FRMD5: variants seen among roughly 807,000 people sequenced by gnomAD.
The protein encoded by FRMD5 is FERM domain-containing protein 5.
Under a neutral mutation model 69.0 loss-of-function variants are expected in FRMD5, and 20 were observed. That is an observed-to-expected ratio of 0.29 (90% CI 0.20 to 0.42). FRMD5 has a LOEUF of 0.42. Among genes scored for constraint, FRMD5 ranks in the 10% least tolerant of loss-of-function variants. The pLI is 1.00. For synonymous variants in FRMD5, 271 were observed against 260.1 expected, an observed-to-expected ratio of 1.04 and a Z score of -0.40; for missense variants, 595 against 708.6, an observed-to-expected ratio of 0.84 and a Z score of 1.82.
chr15:44,158,574 GACCCA>G (rs893956310), intron 1 of FRMD5, among the ~76,000 whole-genome samples: 5 of 152,040 alleles, frequency 3.3e-5, no homozygotes, highest in Non-Finnish European at 5.9e-5. Context: ...GTATACTCAT[GACCCA>G]ACCCATTACT....
At chr15:44,136,243 C>T (rs1299919432) in intron 1 of FRMD5, among the ~76,000 whole-genome samples, 2 of 151,972 alleles carry the variant, frequency 1.3e-5, no homozygotes, top group Non-Finnish European at 2.9e-5. Context: ...ACGGTGGTCA[C>T]AAACTCCTGG....
At chr15:44,109,646 T>C (rs2076769741) in intron 1 of FRMD5, among the ~76,000 whole-genome samples, 1 of 152,114 alleles carries the variant, frequency 6.6e-6, no homozygotes, top group Non-Finnish European at 1.5e-5. Flanking sequence ...TGAACCTACA[T>C]TGACATACCA....
At chr15:43,959,053 T>A (rs1408701798) in intron 1 of FRMD5, among the ~76,000 whole-genome samples, 1 of 152,186 alleles carries the variant, frequency 6.6e-6, no homozygotes, top group South Asian at 2.1e-4. Context: ...AAGACTAAAC[T>A]TCCCTCCCCC....
chr15:44,148,881 C>G (rs559379844), intron 1 of FRMD5, among the ~76,000 whole-genome samples: 1 of 152,118 alleles, frequency 6.6e-6, no homozygotes, highest in South Asian at 2.1e-4. Context: ...CCTGTAAATA[C>G]CTGGGCAATT....
At chr15:43,998,768 T>C (rs1484918270) in intron 1 of FRMD5, among the ~76,000 whole-genome samples, 3 of 152,198 alleles carry the variant, frequency 2.0e-5, no homozygotes. Context: ...TGTGAGATGA[T>C]GGCTGATTTC....
chr15:44,188,836 T>C (rs896551188), intron 1 of FRMD5, among the ~76,000 whole-genome samples: 2 of 152,140 alleles, frequency 1.3e-5, no homozygotes, highest in Admixed American at 1.3e-4. Flanking sequence ...AACTGATCTT[T>C]AACACACAGG....
intron 1 of FRMD5, among the ~76,000 whole-genome samples, chr15:44,182,909 C>T (rs577251022): frequency 3.3e-5 from 5 of 152,214 alleles, no homozygotes; most frequent in South Asian, 4.2e-4. Flanking sequence ...CATTCTCCTG[C>T]CTCAGCTTCC....
chr15:44,169,193 TCA>T (rs1158530222), intron 1 of FRMD5, among the ~76,000 whole-genome samples: 2 of 152,180 alleles, frequency 1.3e-5, no homozygotes, highest in African/African-American at 4.8e-5. Flanking sequence ...CCTTTTCTTC[TCA>T]CCTTGCATGT....
intron 1 of FRMD5, among the ~76,000 whole-genome samples, chr15:43,957,437 T>C (rs1320007403): frequency 6.6e-6 from 1 of 152,252 alleles, no homozygotes; most frequent in East Asian, 1.9e-4. Context: ...CCTCAAGTGA[T>C]CCACCTGCTT....
chr15:44,111,758 A>T (rs2076799336), intron 1 of FRMD5, among the ~76,000 whole-genome samples: 1 of 152,190 alleles, frequency 6.6e-6, no homozygotes, highest in Non-Finnish European at 1.5e-5. Context: ...GAGCTAGGGA[A>T]TATTGGTTGG....
intron 1 of FRMD5, among the ~76,000 whole-genome samples, chr15:44,082,922 G>C (rs552541912): frequency 6.6e-6 from 1 of 152,076 alleles, no homozygotes; most frequent in South Asian, 2.1e-4. Context: ...AATTAAGTCA[G>C]TGTTTTCCCA....
chr15:43,909,725 C>A (rs2089250962), intron 5 of FRMD5, among the ~76,000 whole-genome samples, 157 bp downstream of exon 5: 1 of 152,104 alleles, frequency 6.6e-6, no homozygotes, highest in African/African-American at 2.4e-5. Flanking sequence ...GGTGATCTGC[C>A]CACCTCGGCC....
chr15:44,178,764 G>T (rs375776767), intron 1 of FRMD5, among the ~76,000 whole-genome samples: 1 of 152,160 alleles, frequency 6.6e-6, no homozygotes, highest in South Asian at 2.1e-4. Flanking sequence ...AGGCCAAGGC[G>T]GGTGGATCAC....
chr15:43,921,586 G>A (rs1050505071), intron 2 of FRMD5, among the ~76,000 whole-genome samples: 1 of 152,186 alleles, frequency 6.6e-6, no homozygotes, highest in Admixed American at 6.5e-5. Context: ...TATGGTGATG[G>A]CCAGAGTGGC....
At position 43,884,712 on chromosome 15, in the gene FRMD5, C is replaced by T. The variant is rs2088620715; in HGVS notation, c.1028+15G>A. The T allele has an allele frequency of 6.2e-7, 1 of 1,611,878 alleles. No homozygotes were observed. Among genetic ancestry groups the T allele is most frequent in the African/African-American group, 1.3e-5 (1 of 74,896 alleles). ...TGAGCTACAACTGTTTGGGGGGAAG[C>T]CCCTGGCAGCCTACCTGTGTATTTC... On this transcript the variant is annotated intron_variant, in intron 12 of 13. Transcript: ENST00000417257.
intron 8 of FRMD5, among the ~76,000 whole-genome samples, chr15:43,889,945 C>A (rs1038529080): frequency 6.6e-6 from 1 of 152,084 alleles, no homozygotes. Context: ...AGAAAGGTAG[C>A]GAGAATCATG....
chr15:44,111,266 A>T (rs2076791611), intron 1 of FRMD5, among the ~76,000 whole-genome samples: 1 of 152,078 alleles, frequency 6.6e-6, no homozygotes, highest in African/African-American at 2.4e-5. Flanking sequence ...TGCTTAGCTA[A>T]TTTTTTCTTG....
intron 1 of FRMD5, among the ~76,000 whole-genome samples, chr15:44,084,631 G>A (rs1387108434): frequency 6.6e-6 from 1 of 152,016 alleles, no homozygotes; most frequent in Non-Finnish European, 1.5e-5. Flanking sequence ...TTCTAATACT[G>A]GAGGAAGCTG....
intron 1 of FRMD5, among the ~76,000 whole-genome samples, chr15:44,187,838 A>G (rs1284269135): frequency 6.6e-6 from 1 of 152,112 alleles, no homozygotes; most frequent in Non-Finnish European, 1.5e-5. Context: ...CAAAGCACTG[A>G]GATTATAGGC....
Sources: allele counts gnomAD v4.1 joint callset (sites outside exome capture counted in the v4.1 genomes callset), GRCh38; gene constraint gnomAD v4.1.1; transcripts MANE v1.5; gene names NCBI Gene and HGNC (gene_info 2026-07-23, HGNC 2026-07-21).